Variants in TTC27 observed in about 807,000 individuals in gnomAD.
TTC27 encodes the protein tetratricopeptide repeat domain 27.
A neutral mutation model predicts 115.9 loss-of-function variants in TTC27; 79 were observed. The ratio of observed to expected loss-of-function variants is 0.68; its 90% CI spans 0.57 to 0.82. TTC27 has a LOEUF of 0.82. Among genes scored for constraint, TTC27 ranks in the 40% least tolerant of loss-of-function variants. TTC27 has a pLI of 0.00. For missense variants in TTC27, 1,054 were observed against 993.1 expected (o/e 1.06, Z -0.82); for synonymous variants, 401 against 356.0 (o/e 1.13, Z -1.42).
At chr2:32,752,982 G>A (rs1669068638) in intron 12 of TTC27, among the ~76,000 whole-genome samples, 1 of 152,164 alleles carries the variant, frequency 6.6e-6, no homozygotes, top group Non-Finnish European at 1.5e-5. Flanking sequence ...GCAATCATTT[G>A]TTTCCCTCTC....
intron 13 of TTC27, among the ~76,000 whole-genome samples, chr2:32,761,848 G>C (rs570440392): frequency 5.3e-4 from 80 of 152,186 alleles, no homozygotes; most frequent in Admixed American, 3.7e-3. Flanking sequence ...GCCTATTAAA[G>C]TGCCTTGTAC....
intron 8 of TTC27, among the ~76,000 whole-genome samples, chr2:32,676,524 C>G (rs930710973): frequency 1.7e-5 from 2 of 120,090 alleles, no homozygotes; most frequent in Non-Finnish European, 3.3e-5. Flanking sequence ...TGGATTCTTG[C>G]TCTGTTGCCC....
chr2:32,715,633 G>A (rs1312284197), intron 10 of TTC27, among the ~76,000 whole-genome samples: 5 of 152,074 alleles, frequency 3.3e-5, no homozygotes, highest in South Asian at 4.1e-4. Flanking sequence ...GTTTGTTACC[G>A]TTGTGGAGAT....
intron 13 of TTC27, among the ~76,000 whole-genome samples, chr2:32,766,790 A>G (rs1434493727): frequency 6.6e-6 from 1 of 151,870 alleles, no homozygotes; most frequent in African/African-American, 2.4e-5. Flanking sequence ...TTTATTATTT[A>G]TTTATTTATT....
At chr2:32,689,132 T>C (rs1666733050) in intron 9 of TTC27, among the ~76,000 whole-genome samples, 1 of 152,140 alleles carries the variant, frequency 6.6e-6, no homozygotes, top group Non-Finnish European at 1.5e-5. Context: ...TAATGGAAAT[T>C]CTAGAACAGC....
At position 32,782,582 on chromosome 2, in the gene TTC27, C is replaced by T. The variant is rs1388417061; in HGVS notation, c.1780-44C>T. ...ACTTTTGGTTTAAGCAATAATTTTA[C>T]CTAAATGAGAAGAGTTAATTAACTG... On this transcript the variant is annotated intron_variant, in intron 14 of 19. Transcript: ENST00000317907. The T allele has an allele frequency of 7.0e-6, 11 of 1,578,842 alleles. No homozygotes were observed. In the South Asian group the frequency reaches 1.2e-4, roughly 18 times the overall value.
At chr2:32,670,940 G>C (rs1249526061) in intron 7 of TTC27, among the ~76,000 whole-genome samples, 1 of 104,714 alleles carries the variant, frequency 9.5e-6, no homozygotes, top group Non-Finnish European at 2.6e-5. Flanking sequence ...TTTTTAATTT[G>C]AGTTGTTTGT....
intron 10 of TTC27, among the ~76,000 whole-genome samples, chr2:32,727,402 T>C (rs6721082): frequency 0.44 from 67,529 of 152,046 alleles, 15,339 homozygotes; most frequent in South Asian, 0.62. Flanking sequence ...GTGGATTTTA[T>C]TATAACAGAG....
At chr2:32,759,095 GA>G (rs1669345992) in intron 13 of TTC27, among the ~76,000 whole-genome samples, 1 of 152,106 alleles carries the variant, frequency 6.6e-6, no homozygotes, top group Admixed American at 6.5e-5. Context: ...AATTTTGAGG[GA>G]AAAGAGATTA....
intron 18 of TTC27, among the ~76,000 whole-genome samples, chr2:32,814,082 T>G (rs1409173004): frequency 6.6e-6 from 1 of 152,222 alleles, no homozygotes; most frequent in South Asian, 2.1e-4. Flanking sequence ...TGGGATTTAC[T>G]TTGAAAAATT....
chr2:32,808,543 C>G (rs199529217), intron 16 of TTC27, among the ~76,000 whole-genome samples: 1 of 152,212 alleles, frequency 6.6e-6, no homozygotes, highest in African/African-American at 2.4e-5. Context: ...GTCTACCCCC[C>G]ACAACAGACA....
chr2:32,793,893 C>CA (rs1355239546), intron 16 of TTC27, among the ~76,000 whole-genome samples: 1 of 151,988 alleles, frequency 6.6e-6, no homozygotes, highest in Non-Finnish European at 1.5e-5. Flanking sequence ...ATTAAAAAAA[C>CA]AGTTATTAGT....
At chr2:32,726,296 C>T (rs1668106914) in intron 10 of TTC27, among the ~76,000 whole-genome samples, 2 of 152,196 alleles carry the variant, frequency 1.3e-5, no homozygotes, top group African/African-American at 4.8e-5. Flanking sequence ...ATTTTCCGAA[C>T]TTTTATGCTC....
In TTC27 at chr2:32,807,994, C is replaced by T. The variant is rs577052245; in HGVS notation, c.1999-3030C>T. On this transcript the variant is annotated intron_variant, in intron 16 of 19. Coordinates refer to ENST00000317907, the MANE Select transcript of TTC27 (RefSeq NM_017735.5). The stretch of plus-strand genomic sequence containing the variant: ...TGTTATCCAGGATGGCATGCAGTGG[C>T]GCAATCTCAGCTCACTGCAACCTCC... Among the ~76,000 whole-genome samples the T allele has an allele frequency of 4.4e-5, 5 of 113,402 alleles. No homozygotes were observed. The East Asian group carries it at 7.3e-4, about 17-fold the overall frequency. 74.4% of individuals were successfully genotyped at this position (113,402 alleles called of 152,430 possible). A position where few individuals can be genotyped will look rare whatever the true frequency, so the allele number is the denominator to read the frequency against.
At chr2:32,704,859 A>G (rs976397136) in intron 10 of TTC27, 2 of 471,100 alleles carry the variant, frequency 4.2e-6, no homozygotes, top group Non-Finnish European at 8.8e-6. Flanking sequence ...TTCTTCCCTC[A>G]GGTGGCACAT....
intron 4 of TTC27, among the ~76,000 whole-genome samples, chr2:32,646,640 T>G (rs1033095021): frequency 1.4e-5 from 2 of 143,340 alleles, no homozygotes; most frequent in Non-Finnish European, 1.5e-5. Flanking sequence ...CTCTGCTCAC[T>G]GCAAGCTCCA....
rs763420625 is a variant in TTC27, at chr2:32,666,791, A to G, written c.939+23A>G. The G allele has an allele frequency of 4.4e-6, 7 of 1,608,656 alleles. No individual in the cohort carries two copies. In the African/African-American group the frequency reaches 9.4e-5, roughly 22 times the overall value. On this transcript the variant is annotated intron_variant, in intron 7 of 19. Coordinates refer to ENST00000317907, the MANE Select transcript of TTC27 (RefSeq NM_017735.5). ...AAGGCAAGTAGGACATTAAGTTATT[A>G]AATTCAATTAACACCTGAGTCTAAG...
At chr2:32,755,611 A>C (rs1448748949) in intron 12 of TTC27, among the ~76,000 whole-genome samples, 3 of 137,328 alleles carry the variant, frequency 2.2e-5, no homozygotes, top group African/African-American at 8.2e-5. Flanking sequence ...AGAGAGGGAG[A>C]GGGAGACCGT....
Position 32,736,800 on chromosome 2 carries a change from C to G in TTC27, c.1436C>G (p.Ala479Gly), listed in dbSNP as rs759730569. ...WEDVVICYER[A>G]GQHGKAEEIL... ...GATGTTGTCATTTGTTATGAAAGAG[C>G]CGGGCAGCACGGAAAGGTATGTAAT... is the stretch of plus-strand genomic sequence containing the variant. Residue 479 changes from alanine to glycine, a missense_variant, in exon 12 of 20, where the codon GCC becomes GGC. Transcript: ENST00000317907. 6.2e-7 allele frequency: 1 copy of G among 1,613,796 alleles called. No homozygotes were observed. Among genetic ancestry groups the G allele is most frequent in the Admixed American group, 1.7e-5 (1 of 59,968 alleles).
Sources: allele counts gnomAD v4.1 joint callset (sites outside exome capture counted in the v4.1 genomes callset), GRCh38; gene constraint gnomAD v4.1.1; transcripts MANE v1.5; gene names NCBI Gene and HGNC (gene_info 2026-07-23, HGNC 2026-07-21).